The following CACNA1E variants were observed in gnomAD, a reference collection of about 807,000 sequenced individuals.
CACNA1E encodes calcium voltage-gated channel subunit alpha1 E, also known as voltage-dependent R-type calcium channel subunit alpha-1E.
Under a neutral mutation model 259.2 loss-of-function variants are expected in CACNA1E, and 40 were observed. The ratio of observed to expected loss-of-function variants is 0.15; its 90% CI spans 0.12 to 0.20. CACNA1E has a LOEUF of 0.20. CACNA1E is among the 10% of genes least tolerant of loss of function. The pLI, the probability that CACNA1E is intolerant of heterozygous loss-of-function variation, is 1.00. For missense variants in CACNA1E, 1,874 were observed against 3,040.1 expected, an observed-to-expected ratio of 0.62 and a Z score of 9.02; for synonymous variants, 1,104 against 1,138.5, an observed-to-expected ratio of 0.97 and a Z score of 0.61.
At chr1:181,668,043 C>T (rs760615999) in intron 7 of CACNA1E, among the ~76,000 whole-genome samples, 1 of 152,118 alleles carries the variant, frequency 6.6e-6, no homozygotes, top group Non-Finnish European at 1.5e-5. Flanking sequence ...CACATACACT[C>T]ATTTGTGTGT....
intron 2 of CACNA1E, among the ~76,000 whole-genome samples, chr1:181,457,447 G>A (rs1354348768): frequency 6.6e-6 from 1 of 152,236 alleles, no homozygotes; most frequent in African/African-American, 2.4e-5. Flanking sequence ...TGTCAGCCAA[G>A]GAATACTGTC....
In CACNA1E at chr1:181,799,011, T is replaced by C; in HGVS notation, c.*177T>C. 1 of 541,140 alleles carries C rather than the reference T, an allele frequency of 1.8e-6. No individual in the cohort carries two copies. Among genetic ancestry groups the C allele is most frequent in the Non-Finnish European group, 3.0e-6 (1 of 329,076 alleles). 33.5% of individuals were successfully genotyped at this position (541,140 alleles called of 1,614,324 possible). A position where few individuals can be genotyped will look rare whatever the true frequency, so the allele number is the denominator to read the frequency against. On this transcript the variant is annotated 3_prime_UTR_variant, in exon 48 of 48. Transcript: ENST00000367573. ...CAGAACACCAGTCAAACCCACCAAATTGCTTTATTCCCCTTTGCAAGATGG... is the reference window on the plus strand; with the variant it reads ...CAGAACACCAGTCAAACCCACCAAACTGCTTTATTCCCCTTTGCAAGATGG...
chr1:181,711,207 A>G (rs1056148540), intron 8 of CACNA1E, 138 bp downstream of exon 8: 133 of 649,468 alleles, frequency 2.0e-4, no homozygotes, highest in Non-Finnish European at 2.9e-4. Flanking sequence ...TTGGCTCTTA[A>G]GGTTCCCTGC....
chr1:181,600,949 T>G (rs767913621), intron 6 of CACNA1E, among the ~76,000 whole-genome samples: 4 of 152,180 alleles, frequency 2.6e-5, no homozygotes, highest in Non-Finnish European at 5.9e-5. Flanking sequence ...CAACTTAATG[T>G]CTATTAGCAC....
chr1:181,790,554 C>T lies in CACNA1E; in HGVS notation c.5896C>T (p.Leu1966=), dbSNP rs1661213388. 6.4e-7 allele frequency: 1 copy of T among 1,565,072 alleles called. No homozygotes were observed. Among genetic ancestry groups the T allele is most frequent in the Non-Finnish European group, 8.8e-7 (1 of 1,134,434 alleles). Residue 1966 remains leucine, a splice_region_variant and synonymous_variant, in exon 44 of 48, where the codon CTG becomes TTG. Coordinates refer to ENST00000367573, the MANE Select transcript of CACNA1E (RefSeq NM_001205293.3). ...CGGACAGTTCCAAGAACGGCAGTCT[C>T]TGGTGAATGCATGAGTTATATGACC... ...DDGQFQERQS[L]EPEVSELKSV...
chr1:181,387,900 C>T (rs1655965372), intron 1 of CACNA1E, among the ~76,000 whole-genome samples: 1 of 152,168 alleles, frequency 6.6e-6, no homozygotes, highest in Non-Finnish European at 1.5e-5. Context: ...CAACACATTT[C>T]CCTAGGTTGA....
At chr1:181,636,561 A>G (rs1002877998) in intron 6 of CACNA1E, among the ~76,000 whole-genome samples, 2 of 152,132 alleles carry the variant, frequency 1.3e-5, no homozygotes, top group African/African-American at 4.8e-5. Context: ...CAATGTGGGG[A>G]TTAGAGAATT....
At position 181,731,201 on chromosome 1, in the gene CACNA1E, T is replaced by C. The variant is rs1655442619; in HGVS notation, c.2267T>C (p.Met756Thr). 1 of 1,613,768 alleles carries C rather than the reference T, an allele frequency of 6.2e-7. No homozygotes were observed. Among genetic ancestry groups the C allele is most frequent in the Non-Finnish European group, 8.5e-7 (1 of 1,179,822 alleles). ...AGAGACAGAAGGAGAAGACACCACA[T>C]GTCGATGTGGGAGCCACGCAGCAGC... ...IERDRRRRHH[M>T]SMWEPRSSHL... is the part of the protein sequence containing the mutation. Residue 756 changes from methionine (M) to threonine (T), a missense_variant, in exon 19 of 48, where the codon ATG (methionine) becomes ACG (threonine). Coordinates refer to ENST00000367573, the MANE Select transcript of CACNA1E (RefSeq NM_001205293.3).
rs562102713 is a variant in CACNA1E at position 181,452,951 on chromosome 1, A to G, written c.435-30793A>G. Among the ~76,000 whole-genome samples, 5 of 152,280 alleles carry G rather than the reference A, an allele frequency of 3.3e-5. No individual in the cohort carries two copies. The East Asian group carries it at 7.7e-4, about 24-fold the overall frequency. On this transcript the variant is annotated intron_variant, in intron 2 of 11. Transcript: ENST00000524607. Reference sequence around the variant, plus strand: ...CGAGTATAAACATTTACCAGCTTGGATCCTTTCCCAGACATGCATTGTTGC... The same window carrying G: ...CGAGTATAAACATTTACCAGCTTGGGTCCTTTCCCAGACATGCATTGTTGC...
At chr1:181,516,436 A>G (rs1242930278) in intron 3 of CACNA1E, among the ~76,000 whole-genome samples, 1 of 151,360 alleles carries the variant, frequency 6.6e-6, no homozygotes, top group African/African-American at 2.4e-5. Flanking sequence ...AGGCTTGACT[A>G]TTACCCAGTC....
intron 1 of CACNA1E, among the ~76,000 whole-genome samples, chr1:181,396,750 A>G (rs930365581): frequency 6.6e-5 from 10 of 152,248 alleles, no homozygotes; most frequent in African/African-American, 2.4e-4. Flanking sequence ...AACCCAGAAT[A>G]AATAGTTTAC....
chr1:181,657,659 G>A (rs1416490593), intron 7 of CACNA1E, among the ~76,000 whole-genome samples: 1 of 152,194 alleles, frequency 6.6e-6, no homozygotes. Flanking sequence ...TCTAACATCC[G>A]TGGGGGAAGG....
chr1:181,735,906 A>G (rs567228407), intron 21 of CACNA1E, among the ~76,000 whole-genome samples: 4 of 152,330 alleles, frequency 2.6e-5, no homozygotes, highest in African/African-American at 9.6e-5. Flanking sequence ...GGGAAAATTC[A>G]GTAAGTGAGC....
rs944456697 is a variant in CACNA1E, at chr1:181,803,433, A to G, written c.*4599A>G. The G allele has an allele frequency of 5.3e-5, 8 of 152,232 alleles. No individual in the cohort carries two copies. Among genetic ancestry groups the G allele is most frequent in the Non-Finnish European group, 1.5e-5 (1 of 68,030 alleles). The allele number at this position is 152,232 out of a possible 1,614,324, so 9.4% of individuals were successfully genotyped here. A position where few individuals can be genotyped will look rare whatever the true frequency, so the allele number is the denominator to read the frequency against. The stretch of plus-strand genomic sequence containing the variant: ...GTGACCTAACCTTTGTAAGAAGGTG[A>G]TCAAAGAGATCCTACATTAATAAGC... On this transcript the variant is annotated 3_prime_UTR_variant, in exon 48 of 48. Coordinates refer to ENST00000367573, the MANE Select transcript of CACNA1E (RefSeq NM_001205293.3).
intron 6 of CACNA1E, among the ~76,000 whole-genome samples, chr1:181,650,944 T>C (rs949458645): frequency 6.6e-5 from 10 of 152,230 alleles, no homozygotes; most frequent in South Asian, 2.1e-4. Flanking sequence ...ATGGAATAGA[T>C]TGGGCACAGC....
chr1:181,414,180 AT>A (rs1340945572), intron 2 of CACNA1E, among the ~76,000 whole-genome samples: 3 of 152,020 alleles, frequency 2.0e-5, no homozygotes, highest in Non-Finnish European at 2.9e-5. Flanking sequence ...GGAAGATGGG[AT>A]TTCACTTAAT....
At chr1:181,563,440 CT>C (rs1649520931) in intron 3 of CACNA1E, among the ~76,000 whole-genome samples, 2 of 152,306 alleles carry the variant, frequency 1.3e-5, no homozygotes, top group Non-Finnish European at 2.9e-5. Flanking sequence ...AAAAGGGCCC[CT>C]GTCCCCCAAT....
rs1397317023 is a variant in CACNA1E, at chr1:181,803,900, A to G, written c.*5066A>G. 5 of 152,298 alleles carry G rather than the reference A, an allele frequency of 3.3e-5. No homozygotes were observed. The highest frequency in any genetic ancestry group is 2.0e-4 in the Admixed American group (3 of 15,306). The allele number at this position is 152,298 out of a possible 1,614,324, so 9.4% of individuals were successfully genotyped here. ...TGAATGGGGTTCACAGCAAAGTCCA[A>G]TTGATGGCTTTTGAGGCTGGGACAC... On this transcript the variant is annotated 3_prime_UTR_variant, in exon 48 of 48. Coordinates refer to ENST00000367573, the MANE Select transcript of CACNA1E (RefSeq NM_001205293.3).
At chr1:181,638,496 G>A (rs1000606214) in intron 6 of CACNA1E, among the ~76,000 whole-genome samples, 2 of 152,160 alleles carry the variant, frequency 1.3e-5, no homozygotes, top group Non-Finnish European at 2.9e-5. Context: ...CCCAAGCTGG[G>A]TGTGGATTCC....
Sources: gnomAD v4.1 joint callset for allele counts (sites outside exome capture counted in the v4.1 genomes callset) on GRCh38, gnomAD v4.1.1 for gene constraint, MANE v1.5 for transcripts, NCBI Gene and HGNC (gene_info 2026-07-23, HGNC 2026-07-21) for gene names.